DNTT: variants seen among roughly 807,000 people sequenced by gnomAD.
DNTT encodes the protein nucleosidetriphosphate:DNA deoxynucleotidylexotransferase.
Under a neutral mutation model 60.9 loss-of-function variants are expected in DNTT, and 47 were observed. The observed-to-expected ratio is 0.77, with a 90% CI of 0.61 to 0.98. The LOEUF (loss-of-function observed/expected upper bound fraction) is 0.98. Ranked by LOEUF, DNTT falls within the 50% of genes least tolerant of loss-of-function variation. The probability of loss-of-function intolerance (pLI) is 0.00; values close to 1 mark genes in which losing one functional copy is unlikely to be tolerated. For missense variants in DNTT, 665 were observed against 627.5 expected, an observed-to-expected ratio of 1.06 and a Z score of -0.64; for synonymous variants, 224 against 221.2, an observed-to-expected ratio of 1.01 and a Z score of -0.11.
At chr10:96,331,781 T>A (rs745811054) in intron 8 of DNTT, among the ~76,000 whole-genome samples, 23 of 152,148 alleles carry the variant, frequency 1.5e-4, no homozygotes, top group Non-Finnish European at 2.5e-4. Context: ...TAAGTTTTAT[T>A]ATTTATTTAT....
chr10:96,311,687 A>T (rs957229999), intron 1 of DNTT, among the ~76,000 whole-genome samples: 1 of 152,248 alleles, frequency 6.6e-6, no homozygotes, highest in Non-Finnish European at 1.5e-5. Flanking sequence ...TCTATCACCC[A>T]GGCTGGAGTG....
chr10:96,335,042 C>G (rs1845050460), intron 9 of DNTT, among the ~76,000 whole-genome samples: 1 of 152,228 alleles, frequency 6.6e-6, no homozygotes, highest in Non-Finnish European at 1.5e-5. Context: ...TCCATCTCCT[C>G]AACCATCCCG....
chr10:96,310,728 T>A (rs1184781073), intron 1 of DNTT, among the ~76,000 whole-genome samples: 3 of 152,068 alleles, frequency 2.0e-5, no homozygotes, highest in Admixed American at 2.0e-4. Context: ...CTTAGACAAT[T>A]TTCTTTCACA....
At chr10:96,309,456 A>C (rs1459175043) in intron 1 of DNTT, among the ~76,000 whole-genome samples, 4 of 150,480 alleles carry the variant, frequency 2.7e-5, no homozygotes, top group Admixed American at 6.6e-5. Flanking sequence ...AGTTTGAACA[A>C]GTTTTCTTTA....
At chr10:96,338,110 A>G (rs997087292) in intron 10 of DNTT, 28 bp from the exon 11 acceptor site, 8 of 1,592,810 alleles carry the variant, frequency 5.0e-6, no homozygotes, top group Non-Finnish European at 5.1e-6. Context: ...AAATATCTGA[A>G]TGCACATATT....
rs1347421688 is a variant in DNTT, at chr10:96,328,707, A to G, written c.1008-18A>G. 22 of 1,607,000 alleles carry G rather than the reference A, an allele frequency of 1.4e-5. No homozygotes were observed. Among genetic ancestry groups the G allele is most frequent in the Non-Finnish European group, 1.9e-5 (22 of 1,176,986 alleles). On this transcript the variant is annotated intron_variant, in intron 7 of 10. Transcript: ENST00000371174. The stretch of plus-strand genomic sequence containing the variant: ...AATATCTAATTGATTTCCATTTTAT[A>G]CTGCTTTTGAAAATTAGGGGTAAGA...
chr10:96,306,488 A>G (rs747563930), intron 1 of DNTT: 2 of 152,270 alleles, frequency 1.3e-5, no homozygotes, highest in African/African-American at 2.4e-5. Flanking sequence ...CAGGAAGGAA[A>G]GAACCAGAAG....
Position 96,304,514 on chromosome 10 carries a change from C to A in DNTT, c.17C>A (p.Ala6Glu). 2 of 1,613,814 alleles carry A rather than the reference C, an allele frequency of 1.2e-6. No homozygotes were observed. The highest frequency in any genetic ancestry group is 1.7e-6 in the Non-Finnish European group (2 of 1,180,002). MDPPR[A>E]SHLSPRKKRP... ...CCTCTTCCCATGGATCCACCACGAG[C>A]GTCCCACTTGAGCCCTCGGAAGAAG... Residue 6 changes from alanine (A) to glutamate (E), a missense_variant, in exon 1 of 11, where the codon GCG becomes GAG. By Grantham distance (107) the Ala-to-Glu change is moderately radical. Transcript: ENST00000371174.
At chr10:96,309,489 T>C (rs1844683291) in intron 1 of DNTT, among the ~76,000 whole-genome samples, 1 of 152,204 alleles carries the variant, frequency 6.6e-6, no homozygotes, top group African/African-American at 2.4e-5. Context: ...AGTTAGCATT[T>C]GCCTGCTCAT....
intron 8 of DNTT, among the ~76,000 whole-genome samples, chr10:96,331,124 G>A (rs1035119025): frequency 1.3e-4 from 19 of 151,994 alleles, no homozygotes; most frequent in Non-Finnish European, 2.1e-4. Context: ...TGAAACATGT[G>A]TCATTAACTT....
At chr10:96,336,228 A>G (rs1268465552) in intron 10 of DNTT, among the ~76,000 whole-genome samples, 2 of 152,248 alleles carry the variant, frequency 1.3e-5, no homozygotes, top group Non-Finnish European at 2.9e-5. Flanking sequence ...CAAGTCCAGC[A>G]GTGAACATTA....
intron 4 of DNTT, among the ~76,000 whole-genome samples, chr10:96,322,085 G>A (rs373685346): frequency 6.5e-4 from 99 of 152,260 alleles, no homozygotes; most frequent in South Asian, 1.9e-3. Flanking sequence ...CAGGGAGAGC[G>A]CCAGAGGTTG....
At chr10:96,312,547 G>A (rs74990031) in intron 1 of DNTT, among the ~76,000 whole-genome samples, 1,934 of 152,194 alleles carry the variant, frequency 0.013, 29 homozygotes, top group African/African-American at 0.044. Flanking sequence ...AGAACCACGG[G>A]GAACATCAGC....
At chr10:96,337,751 A>T (rs1212173898) in intron 10 of DNTT, among the ~76,000 whole-genome samples, 1 of 152,210 alleles carries the variant, frequency 6.6e-6, no homozygotes, top group Non-Finnish European at 1.5e-5. Flanking sequence ...AGAATTACCC[A>T]GTGCGTTCAG....
chr10:96,307,146 T>A (rs374159810), intron 1 of DNTT, among the ~76,000 whole-genome samples: 37 of 152,302 alleles, frequency 2.4e-4, no homozygotes, highest in African/African-American at 8.9e-4. Context: ...TATTTTCTTG[T>A]GAATTGCTGG....
chr10:96,319,218 A>G lies in DNTT; in HGVS notation c.379-44A>G, dbSNP rs141415993. On this transcript the variant is annotated intron_variant, in intron 2 of 10. Coordinates refer to ENST00000371174, the MANE Select transcript of DNTT (RefSeq NM_004088.4). Reference sequence around the variant, plus strand: ...ATTTTTTCCGTACATATCTGTTATTACTATTAATTTTTATTGAAAATGGAT... The same window carrying G: ...ATTTTTTCCGTACATATCTGTTATTGCTATTAATTTTTATTGAAAATGGAT... 7.8e-4 allele frequency: 1,255 copies of G among 1,602,048 alleles called. 3 individuals are homozygous for G. The African/African-American group carries it at 1.0e-2, about 13-fold the overall frequency.
In DNTT at chr10:96,328,765, A is replaced by T; in HGVS notation, c.1048A>T (p.Ser350Cys). Residue 350 changes from serine to cysteine, a missense_variant, in exon 8 of 11, where the codon AGC (serine) becomes TGC (cysteine). Ser to Cys is a moderately radical substitution (Grantham distance 112). Coordinates refer to ENST00000371174, the MANE Select transcript of DNTT (RefSeq NM_004088.4). ...GCATGATGTAGATTTTTTAATTACC[A>T]GCCCAGGATCAACAGAGGATGAAGA... ...MGHDVDFLIT[S>C]PGSTEDEEQL... 3 of 1,613,974 alleles carry T rather than the reference A, an allele frequency of 1.9e-6. No homozygotes were observed. The highest frequency in any genetic ancestry group is 2.5e-6 in the Non-Finnish European group (3 of 1,179,932).
intron 6 of DNTT, among the ~76,000 whole-genome samples, chr10:96,325,726 C>T (rs943332819): frequency 6.6e-6 from 1 of 152,200 alleles, no homozygotes; most frequent in African/African-American, 2.4e-5. Flanking sequence ...CTTATACCCC[C>T]ACAAGTAGTT....
At chr10:96,316,827 A>G (rs1923690) in intron 1 of DNTT, among the ~76,000 whole-genome samples, 151,202 of 152,326 alleles carry the variant, frequency 0.99, 75,055 homozygotes, top group Middle Eastern at 1. Flanking sequence ...CATCTGTTTC[A>G]TGTAACATAC....
Sources: allele counts gnomAD v4.1 joint callset (sites outside exome capture counted in the v4.1 genomes callset), GRCh38; gene constraint gnomAD v4.1.1; transcripts MANE v1.5; gene names NCBI Gene and HGNC (gene_info 2026-07-23, HGNC 2026-07-21).